Variants in EYS observed in about 807,000 individuals in gnomAD.
EYS encodes the protein protein eyes shut homolog.
A neutral mutation model predicts 282.1 loss-of-function variants in EYS; 250 were observed. The ratio of observed to expected loss-of-function variants is 0.89; its 90% CI spans 0.80 to 0.98. The LOEUF is 0.98. Ranked by LOEUF, EYS falls within the 50% of genes least tolerant of loss-of-function variation. The pLI is 0.00. For synonymous variants in EYS, 1,355 were observed against 1,282.9 expected (o/e 1.06, Z -1.20); for missense variants, 4,016 against 3,709.0 (o/e 1.08, Z -2.15).
chr6:65,579,126 T>C (rs1227431030), intron 2 of EYS, among the ~76,000 whole-genome samples: 2 of 152,188 alleles, frequency 1.3e-5, no homozygotes, highest in Non-Finnish European at 2.9e-5. Flanking sequence ...GAGAAACTTT[T>C]GACGATTATT....
At chr6:65,019,064 C>T (rs1427919940) in intron 13 of EYS, among the ~76,000 whole-genome samples, 1 of 151,900 alleles carries the variant, frequency 6.6e-6, no homozygotes, top group Non-Finnish European at 1.5e-5. Context: ...AGACTGGGTG[C>T]CATATTTTGT....
chr6:64,243,849 T>G (rs1766917860), intron 30 of EYS, among the ~76,000 whole-genome samples: 2 of 152,212 alleles, frequency 1.3e-5, no homozygotes, highest in African/African-American at 4.8e-5. Context: ...TGAAGATGAA[T>G]CACAATGTAT....
intron 29 of EYS, among the ~76,000 whole-genome samples, chr6:64,357,980 G>A (rs1475190263): frequency 6.6e-6 from 1 of 151,630 alleles, no homozygotes; most frequent in Non-Finnish European, 1.5e-5. Flanking sequence ...AGTATATGGA[G>A]CTGTGACTGA....
chr6:63,891,360 CA>C (rs1773402552), intron 35 of EYS, among the ~76,000 whole-genome samples: 2 of 152,226 alleles, frequency 1.3e-5, no homozygotes, highest in African/African-American at 4.8e-5. Flanking sequence ...AAACTAAATC[CA>C]GCAGCACATT....
chr6:64,962,230 G>A (rs894777430), intron 14 of EYS, among the ~76,000 whole-genome samples: 1 of 151,498 alleles, frequency 6.6e-6, no homozygotes, highest in Non-Finnish European at 1.5e-5. Flanking sequence ...ATCATAAGGG[G>A]GTTTCCAAAA....
intron 33 of EYS, among the ~76,000 whole-genome samples, chr6:64,011,298 T>A (rs1768613222): frequency 6.6e-6 from 1 of 152,166 alleles, no homozygotes; most frequent in African/African-American, 2.4e-5. Context: ...AATCCCCCAT[T>A]TTCTTTTTTT....
chr6:64,133,476 TCACA>T (rs61088369), intron 31 of EYS, among the ~76,000 whole-genome samples: 2,292 of 142,424 alleles, frequency 0.016, 46 homozygotes, highest in African/African-American at 0.037. Flanking sequence ...TTGCATTACT[TCACA>T]CACACACACA....
chr6:64,673,204 T>G (rs995862619), intron 22 of EYS, among the ~76,000 whole-genome samples: 14 of 152,130 alleles, frequency 9.2e-5, no homozygotes, highest in African/African-American at 3.1e-4. Flanking sequence ...TGATAGACTC[T>G]TTTAGAATCT....
chr6:64,927,599 C>A (rs554855545), intron 15 of EYS, among the ~76,000 whole-genome samples: 1 of 152,028 alleles, frequency 6.6e-6, no homozygotes, highest in Admixed American at 6.5e-5. Flanking sequence ...TTACAGGTGA[C>A]AATAAAAAAT....
At chr6:63,853,161 G>C (rs1291991274) in intron 36 of EYS, among the ~76,000 whole-genome samples, 1 of 152,040 alleles carries the variant, frequency 6.6e-6, no homozygotes, top group Admixed American at 6.6e-5. Context: ...AGAAATAATG[G>C]GTGTTCAAAT....
intron 5 of EYS, among the ~76,000 whole-genome samples, chr6:65,447,530 A>AT (rs1199773312): frequency 6.6e-6 from 1 of 151,162 alleles, no homozygotes; most frequent in African/African-American, 2.4e-5. Flanking sequence ...CTATGTATTT[A>AT]TTTTTTTGCA....
chr6:64,802,184 C>T (rs542007300), intron 22 of EYS, among the ~76,000 whole-genome samples: 12 of 151,654 alleles, frequency 7.9e-5, no homozygotes, highest in Admixed American at 7.2e-4. Context: ...CAGGCGCCCA[C>T]CACCATGCCC....
At chr6:64,693,753 A>T (rs1583049198) in intron 22 of EYS, among the ~76,000 whole-genome samples, 1 of 152,120 alleles carries the variant, frequency 6.6e-6, no homozygotes, top group Non-Finnish European at 1.5e-5. Flanking sequence ...TAATTTTTTT[A>T]AAAAATCAAT....
At chr6:63,750,100 T>C (rs983466407) in intron 41 of EYS, among the ~76,000 whole-genome samples, 6 of 152,220 alleles carry the variant, frequency 3.9e-5, no homozygotes, top group African/African-American at 1.4e-4. Flanking sequence ...GTTTCTGTTT[T>C]TTAATATAGT....
chr6:65,193,798 T>G (rs890375499), intron 12 of EYS, among the ~76,000 whole-genome samples: 2 of 151,590 alleles, frequency 1.3e-5, no homozygotes, highest in South Asian at 4.2e-4. Context: ...CACCCTGAGG[T>G]AAAATTTGGG....
rs1026432799 is a variant in EYS, at chr6:64,696,861, A to C, written c.3444-70616T>G. On this transcript the variant is annotated intron_variant, in intron 22 of 42. Coordinates refer to ENST00000503581, the MANE Select transcript of EYS (RefSeq NM_001142800.2). ...CCAAAGGTGTTTTAAATATAGAAATAAAAAGTTGATACCAGCCATCATAAA... is the reference window on the plus strand; with the variant it reads ...CCAAAGGTGTTTTAAATATAGAAATCAAAAGTTGATACCAGCCATCATAAA... Among the ~76,000 whole-genome samples the C allele has an allele frequency of 2.6e-5, 4 of 152,182 alleles. No individual in the cohort carries two copies. The South Asian group carries it at 8.3e-4, about 32-fold the overall frequency.
chr6:64,396,892 C>CTG (rs1582700492), intron 28 of EYS, among the ~76,000 whole-genome samples: 1 of 151,652 alleles, frequency 6.6e-6, no homozygotes, highest in African/African-American at 2.4e-5. Context: ...ATTGTTTTGG[C>CTG]TGTGTGTGTG....
At chr6:65,431,054 A>C (rs1767867515) in intron 5 of EYS, among the ~76,000 whole-genome samples, 1 of 152,196 alleles carries the variant, frequency 6.6e-6, no homozygotes, top group Non-Finnish European at 1.5e-5. Flanking sequence ...GTACTGCCAC[A>C]GTCAGGCAGA....
chr6:63,826,799 G>T (rs1475033628), intron 36 of EYS, among the ~76,000 whole-genome samples: 1 of 95,292 alleles, frequency 1.0e-5, no homozygotes, highest in Admixed American at 1.4e-4. Context: ...CCTCTTTAAA[G>T]CATAAATCAC....
Sources: gnomAD v4.1 joint callset for allele counts (sites outside exome capture counted in the v4.1 genomes callset) on GRCh38, gnomAD v4.1.1 for gene constraint, MANE v1.5 for transcripts, NCBI Gene and HGNC (gene_info 2026-07-23, HGNC 2026-07-21) for gene names.